The following OSBP2 variants were observed in gnomAD, a reference collection of about 807,000 sequenced individuals.
The protein encoded by OSBP2 is oxysterol-binding protein 2.
In OSBP2, 66 loss-of-function variants were observed where a neutral mutation model predicts 96.0. That is an observed-to-expected ratio of 0.69 (90% CI 0.56 to 0.84). The LOEUF (loss-of-function observed/expected upper bound fraction) is 0.84, where lower values mean the gene tolerates loss of function less well. Ranked by LOEUF, OSBP2 falls within the 40% of genes least tolerant of loss-of-function variation. The pLI, the probability that OSBP2 is intolerant of heterozygous loss-of-function variation, is 0.00. For missense variants in OSBP2, 1,038 were observed against 1,222.7 expected (o/e 0.85, Z 2.25); for synonymous variants, 525 against 520.9 (o/e 1.01, Z -0.11).
At chr22:30,790,468 A>G (rs1490685430) in intron 2 of OSBP2, among the ~76,000 whole-genome samples, 1 of 152,040 alleles carries the variant, frequency 6.6e-6, no homozygotes, top group Non-Finnish European at 1.5e-5. Context: ...TAGTCTTGGG[A>G]ATTCAAGGAG....
At chr22:30,704,270 C>T (rs183274232) in intron 1 of OSBP2, among the ~76,000 whole-genome samples, 76 of 152,326 alleles carry the variant, frequency 5.0e-4, no homozygotes, top group African/African-American at 1.6e-3. Context: ...AAAGAAAGCA[C>T]GATGGCAAAG....
chr22:30,845,399 G>A (rs1425217269), intron 2 of OSBP2, among the ~76,000 whole-genome samples: 1 of 151,852 alleles, frequency 6.6e-6, no homozygotes, highest in African/African-American at 2.4e-5. Flanking sequence ...CTCCAGCCTG[G>A]GCTACAAGAG....
intron 1 of OSBP2, among the ~76,000 whole-genome samples, chr22:30,730,788 A>C (rs1202026815): frequency 8.7e-4 from 39 of 44,928 alleles, no homozygotes; most frequent in East Asian, 5.9e-3. Context: ...ATATATATAT[A>C]TATATATATA....
chr22:30,904,503 A>C (rs1398191238), intron 12 of OSBP2, among the ~76,000 whole-genome samples: 2 of 152,236 alleles, frequency 1.3e-5, no homozygotes, highest in African/African-American at 2.4e-5. Flanking sequence ...AATTCCAAAC[A>C]CAACACATTC....
chr22:30,837,046 T>A (rs2038649218), intron 2 of OSBP2, among the ~76,000 whole-genome samples: 1 of 150,814 alleles, frequency 6.6e-6, no homozygotes, highest in Non-Finnish European at 1.5e-5. Flanking sequence ...AGCCCAGGAG[T>A]TCAATACTAG....
rs1405184013 is a variant in OSBP2, at chr22:30,887,613, T to C, written c.1295T>C (p.Ile432Thr). The change falls in exon 4 of 14, where the codon ATT becomes ACT. Residue 432 changes from isoleucine (I) to threonine (T), a missense_variant. Ile to Thr is a moderately conservative substitution (Grantham distance 89, BLOSUM62 -1). This residue lies in a region of OSBP2 where 737 missense variants were observed against 913.3 expected (regional missense o/e 0.81). Transcript: ENST00000332585. ...GRPANPSKSF[I>T]EGSLLTPKGE... ...CCGGCCAACCCCTCCAAGAGCTTCA[T>C]TGAGGGTGAGTGGGCAGCCAGGGCA... 2 of 1,596,262 alleles carry C rather than the reference T, an allele frequency of 1.3e-6. No homozygotes were observed. The highest frequency in any genetic ancestry group is 1.7e-6 in the Non-Finnish European group (2 of 1,172,196).
rs753852602 is a variant in OSBP2 at position 30,894,002 on chromosome 22, G to A, written c.2375+1G>A. On this transcript the variant is annotated splice_donor_variant, in intron 12 of 13. Coordinates refer to ENST00000332585, the MANE Select transcript of OSBP2 (RefSeq NM_030758.4). LOFTEE classifies it high-confidence loss of function. ...TGCTGTGGAAGAAGTACCCGCTGCC[G>A]TGAGTAGGGCTGGCAGGGGCCCCGC... is the stretch of plus-strand genomic sequence containing the variant. The A allele has an allele frequency of 8.8e-6, 14 of 1,587,948 alleles. No individual in the cohort carries two copies. The highest frequency in any genetic ancestry group is 4.5e-5 in the East Asian group (2 of 44,158).
upstream of OSBP2, chr22:30,694,492 G>T (rs1484215808): frequency 1.9e-6 from 2 of 1,061,746 alleles, no homozygotes; most frequent in East Asian, 5.2e-5. Flanking sequence ...GCCTGGGTTG[G>T]GGGAGGGGGC....
chr22:30,901,827 G>A (rs962132830), intron 12 of OSBP2, among the ~76,000 whole-genome samples: 1 of 152,126 alleles, frequency 6.6e-6, no homozygotes, highest in African/African-American at 2.4e-5. Flanking sequence ...TGGTGCCACT[G>A]CACTCCAGCC....
At chr22:30,715,510 G>A (rs1015118021) in intron 1 of OSBP2, among the ~76,000 whole-genome samples, 29 of 150,120 alleles carry the variant, frequency 1.9e-4, no homozygotes, top group African/African-American at 6.9e-4. Flanking sequence ...CTGAGTAGCT[G>A]GGAATACAGG....
chr22:30,807,469 T>C (rs2090944535), intron 2 of OSBP2, among the ~76,000 whole-genome samples: 1 of 152,204 alleles, frequency 6.6e-6, no homozygotes, highest in Non-Finnish European at 1.5e-5. Context: ...ACACAGATTC[T>C]GCTCTCGGCA....
intron 2 of OSBP2, among the ~76,000 whole-genome samples, chr22:30,741,715 T>G (rs541651476): frequency 2.3e-4 from 35 of 152,164 alleles, no homozygotes; most frequent in African/African-American, 8.4e-4. Context: ...TTCCCCAGGT[T>G]CCCCCATCGT....
intron 2 of OSBP2, among the ~76,000 whole-genome samples, chr22:30,851,148 T>C (rs576567268): frequency 6.6e-6 from 1 of 152,166 alleles, no homozygotes; most frequent in Admixed American, 6.5e-5. Context: ...TGCAACTTCC[T>C]CCTCCCAGGT....
chr22:30,804,326 C>T (rs1322117190), intron 2 of OSBP2, among the ~76,000 whole-genome samples: 1 of 152,204 alleles, frequency 6.6e-6, no homozygotes, highest in Non-Finnish European at 1.5e-5. Context: ...AATGAAGCTT[C>T]TGAATCTCGA....
intron 2 of OSBP2, among the ~76,000 whole-genome samples, chr22:30,838,975 C>A (rs9680690): frequency 0.29 from 34,257 of 119,368 alleles, 5,267 homozygotes; most frequent in Middle Eastern, 0.4. Context: ...ACCTAATCTC[C>A]CCCCTCCCCC....
chr22:30,902,151 A>AAAAAAAC, intron 12 of OSBP2: 1 of 446,618 alleles, frequency 2.2e-6, no homozygotes, highest in Admixed American at 3.5e-5. Context: ...AAAAAAAAAA[A>AAAAAAAC]ACAGAGGGTC....
intron 3 of OSBP2, among the ~76,000 whole-genome samples, chr22:30,886,923 G>T (rs2039822421): frequency 6.6e-6 from 1 of 152,178 alleles, no homozygotes; most frequent in Non-Finnish European, 1.5e-5. Flanking sequence ...GCTGTGCAAA[G>T]TGAGAGCAAG....
At chr22:30,811,497 C>A (rs1168451142) in intron 2 of OSBP2, among the ~76,000 whole-genome samples, 2 of 151,272 alleles carry the variant, frequency 1.3e-5, no homozygotes, top group African/African-American at 2.4e-5. Flanking sequence ...AGGCATGCAC[C>A]ACCATGCGTG....
chr22:30,738,601 C>T (rs777806875), intron 1 of OSBP2, among the ~76,000 whole-genome samples: 50 of 151,772 alleles, frequency 3.3e-4, no homozygotes, highest in Non-Finnish European at 5.7e-4. Flanking sequence ...GCTCTTGTTG[C>T]CCAGGCTGGA....
Sources: allele counts gnomAD v4.1 joint callset (sites outside exome capture counted in the v4.1 genomes callset), GRCh38; gene constraint gnomAD v4.1.1; regional missense constraint gnomAD v4.1.1; transcripts MANE v1.5; gene names NCBI Gene and HGNC (gene_info 2026-07-23, HGNC 2026-07-21).